KCNIP4: variants seen among roughly 807,000 people sequenced by gnomAD.
The protein encoded by KCNIP4 is Kv channel-interacting protein 4.
Under a neutral mutation model 34.0 loss-of-function variants are expected in KCNIP4, and 12 were observed. The ratio of observed to expected loss-of-function variants is 0.35; its 90% CI spans 0.23 to 0.57. The LOEUF (loss-of-function observed/expected upper bound fraction) is 0.57, where lower values mean the gene tolerates loss of function less well. Ranked by LOEUF, KCNIP4 falls within the 20% of genes least tolerant of loss-of-function variation. The pLI, the probability that KCNIP4 is intolerant of heterozygous loss-of-function variation, is 0.83. For missense variants in KCNIP4, 238 were observed against 311.7 expected, an observed-to-expected ratio of 0.76 and a Z score of 1.78; for synonymous variants, 124 against 102.2, an observed-to-expected ratio of 1.21 and a Z score of -1.29.
chr4:21,530,666 A>G (rs534058525), intron 1 of KCNIP4, among the ~76,000 whole-genome samples: 3 of 152,300 alleles, frequency 2.0e-5, no homozygotes, highest in Non-Finnish European at 2.9e-5. Flanking sequence ...AGCTAATTCT[A>G]TATCATTGGA....
intron 1 of KCNIP4, among the ~76,000 whole-genome samples, chr4:20,895,164 G>A (rs1329254095): frequency 6.6e-6 from 1 of 152,174 alleles, no homozygotes; most frequent in Non-Finnish European, 1.5e-5. Flanking sequence ...GTGTCTAATT[G>A]TGTAGTTTCT....
intron 1 of KCNIP4, among the ~76,000 whole-genome samples, chr4:21,484,230 C>A (rs186548990): frequency 6.6e-6 from 1 of 152,072 alleles, no homozygotes; most frequent in Non-Finnish European, 1.5e-5. Context: ...AGTTCAAGAC[C>A]AGCTTGACTA....
At chr4:20,914,704 C>T (rs1027699391) in intron 1 of KCNIP4, among the ~76,000 whole-genome samples, 1 of 152,168 alleles carries the variant, frequency 6.6e-6, no homozygotes, top group East Asian at 1.9e-4. Flanking sequence ...TGAAGTCACT[C>T]GTGCCTCTTC....
intron 1 of KCNIP4, among the ~76,000 whole-genome samples, chr4:21,134,414 A>T (rs574420850): frequency 6.6e-6 from 1 of 152,356 alleles, no homozygotes; most frequent in African/African-American, 2.4e-5. Context: ...ATGTTGATTT[A>T]CTATGTTATT....
chr4:21,688,356 C>T (rs574564254), intron 1 of KCNIP4, among the ~76,000 whole-genome samples: 1 of 152,228 alleles, frequency 6.6e-6, no homozygotes, highest in South Asian at 2.1e-4. Flanking sequence ...AAATATTCCA[C>T]AATCCAGAAG....
intron 1 of KCNIP4, among the ~76,000 whole-genome samples, chr4:20,988,000 C>CAAAAAAAAAAAAAAAAAAAAAAAATA (rs36044149): frequency 2.2e-5 from 1 of 46,318 alleles, no homozygotes; most frequent in Admixed American, 3.1e-4. Flanking sequence ...GATTCCATCT[C>CAAAAAAAAAAAAAAAAAAAAAAAATA]AAAAAAAAAA....
chr4:20,952,230 T>A (rs1221413201), intron 1 of KCNIP4, among the ~76,000 whole-genome samples: 1 of 151,200 alleles, frequency 6.6e-6, no homozygotes, highest in Non-Finnish European at 1.5e-5. Flanking sequence ...ATCAAGGTAT[T>A]TTTTTTTCTC....
intron 1 of KCNIP4, among the ~76,000 whole-genome samples, chr4:21,455,351 A>G (rs75512552): frequency 0.041 from 6,295 of 152,068 alleles, 213 homozygotes; most frequent in Non-Finnish European, 0.056. Context: ...AGTGTCTCCA[A>G]TTACTTTATA....
intron 1 of KCNIP4, among the ~76,000 whole-genome samples, chr4:21,383,461 GTATCTCTATGTTGAAGTC>G (rs1577272771): frequency 7.4e-6 from 1 of 134,456 alleles, no homozygotes; most frequent in East Asian, 2.3e-4. Flanking sequence ...CTGGAGAAAT[GTATCTCTATGTTGAAGTC>G]TATGTAGGAG....
intron 1 of KCNIP4, among the ~76,000 whole-genome samples, chr4:21,857,582 T>C (rs2109345588): frequency 6.6e-6 from 1 of 152,248 alleles, no homozygotes; most frequent in African/African-American, 2.4e-5. Flanking sequence ...GTCACCTCTC[T>C]GCTGACAGCT....
At chr4:21,537,073 C>T (rs1265132146) in intron 1 of KCNIP4, among the ~76,000 whole-genome samples, 1 of 152,102 alleles carries the variant, frequency 6.6e-6, no homozygotes, top group African/African-American at 2.4e-5. Context: ...TATAAAGCCA[C>T]ACAACCATCT....
At chr4:21,386,657 G>T (rs906379681) in intron 1 of KCNIP4, among the ~76,000 whole-genome samples, 6 of 152,148 alleles carry the variant, frequency 3.9e-5, no homozygotes, top group Non-Finnish European at 2.9e-5. Context: ...CTTTCTAGCA[G>T]ATTCAGTATA....
At chr4:21,783,741 G>C (rs10019221) in intron 1 of KCNIP4, among the ~76,000 whole-genome samples, 1 of 151,816 alleles carries the variant, frequency 6.6e-6, no homozygotes. Context: ...AGAAAGATGA[G>C]AATATTATAA....
rs73099851 is a variant in KCNIP4 at position 21,025,432 on chromosome 4, A to C, written c.62-142723T>G. On this transcript the variant is annotated intron_variant, in intron 1 of 8. Coordinates refer to ENST00000382152, the MANE Select transcript of KCNIP4 (RefSeq NM_025221.6). ...TTAGAGAGACAAAACTGCTGCCAGA[A>C]GTCAAGTGAACACCATTATGGTGCA... 3.4e-3 allele frequency among the ~76,000 whole-genome samples: 496 copies of C among 147,110 alleles called. 7 individuals carry two copies. Among genetic ancestry groups the C allele is most frequent in the African/African-American group, 0.012 (462 of 39,714 alleles).
chr4:21,495,747 C>A (rs1338151009), intron 1 of KCNIP4, among the ~76,000 whole-genome samples: 2 of 152,152 alleles, frequency 1.3e-5, no homozygotes, highest in Non-Finnish European at 2.9e-5. Flanking sequence ...TTCTCTATTT[C>A]TTCCACAAGA....
At chr4:21,326,877 C>T (rs1715128630) in intron 1 of KCNIP4, among the ~76,000 whole-genome samples, 1 of 151,882 alleles carries the variant, frequency 6.6e-6, no homozygotes, top group South Asian at 2.1e-4. Flanking sequence ...TTATTTTAAA[C>T]TGTTGTTAAC....
chr4:20,786,926 GT>G (rs1360803846), intron 3 of KCNIP4, among the ~76,000 whole-genome samples: 2 of 152,116 alleles, frequency 1.3e-5, no homozygotes, highest in East Asian at 3.8e-4. Context: ...GCCCGATAAA[GT>G]ATCTCCCATC....
intron 1 of KCNIP4, among the ~76,000 whole-genome samples, chr4:21,888,443 C>A (rs998668901): frequency 2.8e-4 from 43 of 152,116 alleles, no homozygotes; most frequent in African/African-American, 9.9e-4. Context: ...AAAAATGAGT[C>A]AAAACTTCAG....
intron 1 of KCNIP4, among the ~76,000 whole-genome samples, chr4:21,403,982 G>A (rs1164088755): frequency 6.6e-6 from 1 of 152,188 alleles, no homozygotes; most frequent in African/African-American, 2.4e-5. Context: ...CAGAGATTAG[G>A]TTCCAACCTT....
Sources: gnomAD v4.1 joint callset for allele counts (sites outside exome capture counted in the v4.1 genomes callset) on GRCh38, gnomAD v4.1.1 for gene constraint, MANE v1.5 for transcripts, NCBI Gene and HGNC (gene_info 2026-07-23, HGNC 2026-07-21) for gene names.